Variants in ZBED6 observed in about 807,000 individuals in gnomAD.
ZBED6 encodes zinc finger BED domain-containing protein 6.
A neutral mutation model predicts 58.4 loss-of-function variants in ZBED6; 40 were observed. The observed-to-expected ratio is 0.68, with a 90% confidence interval of 0.53 to 0.89. The LOEUF (loss-of-function observed/expected upper bound fraction) is 0.89, where lower values mean the gene tolerates loss of function less well. ZBED6 is among the 40% of genes least tolerant of loss of function. The probability of loss-of-function intolerance (pLI) is 0.00; values close to 1 mark genes in which losing one functional copy is unlikely to be tolerated. For missense variants in ZBED6, 1,057 were observed against 1,003.9 expected (o/e 1.05, Z -0.71); for synonymous variants, 439 against 350.6 (o/e 1.25, Z -2.82).
exon 1 of ZBED6, chr1:203,800,032 C>T (rs1670061203): frequency 1.3e-6 from 2 of 1,536,114 alleles, no homozygotes; most frequent in Non-Finnish European, 1.7e-6. Context: ...AAAGAAGGCA[C>T]CTCCAGTTCA....
At chr1:203,818,780 T>A (rs1000116729) in intron 3 of ZBED6, 91 bp downstream of exon 3, 1 of 1,586,538 alleles carries the variant, frequency 6.3e-7, no homozygotes, top group Non-Finnish European at 8.6e-7. Flanking sequence ...TTTTAAAAAA[T>A]ATATTAAGGC....
chr1:203,809,681 C>T (rs1266505020), intron 1 of ZBED6, among the ~76,000 whole-genome samples: 5 of 150,404 alleles, frequency 3.3e-5, no homozygotes, highest in African/African-American at 4.9e-5. Context: ...TAACCGGGTG[C>T]GGTGGCTCAC....
chr1:203,798,011 A>G (rs548062567), exon 1 of ZBED6: 1 of 1,533,984 alleles, frequency 6.5e-7, no homozygotes, highest in East Asian at 2.4e-5. Flanking sequence ...GGGGTAAACC[A>G]GGTAGCCATC....
At chr1:203,826,478 A>G (rs1425066888) in intron 3 of ZBED6, among the ~76,000 whole-genome samples, 3 of 152,196 alleles carry the variant, frequency 2.0e-5, no homozygotes, top group Non-Finnish European at 2.9e-5. Flanking sequence ...GATTTTGCCA[A>G]ATCACCTTTC....
chr1:203,852,892 C>T (rs1689580392), exon 17 of ZBED6: 3 of 168,490 alleles, frequency 1.8e-5, no homozygotes, highest in African/African-American at 7.2e-5. Context: ...AATTGTATGT[C>T]TTTTTAAAGG....
At chr1:203,816,141 A>G (rs1676303887) in intron 1 of ZBED6, among the ~76,000 whole-genome samples, 1 of 152,238 alleles carries the variant, frequency 6.6e-6, no homozygotes, top group African/African-American at 2.4e-5. Context: ...TACTTTTGGA[A>G]TAAAAATGCT....
intron 3 of ZBED6, among the ~76,000 whole-genome samples, chr1:203,827,141 G>C (rs911196630): frequency 2.0e-5 from 3 of 152,050 alleles, no homozygotes; most frequent in African/African-American, 4.8e-5. Flanking sequence ...CTCATTACTA[G>C]ATGATATTCT....
rs59033094 is a variant in ZBED6 at position 203,838,954 on chromosome 1, CAAAAAAAAAAAA to C, written c.*3672+900_*3672+911del. 9.2e-5 allele frequency among the ~76,000 whole-genome samples: 9 copies of C among 97,934 alleles called. No individual in the cohort carries two copies. The East Asian group carries it at 2.2e-3, about 23-fold the overall frequency. The allele number at this position is 97,934 out of a possible 152,430, so 64.2% of individuals were successfully genotyped here. On this transcript the variant is annotated intron_variant, in intron 10 of 16. Coordinates refer to ENST00000550078, the Ensembl canonical transcript of ZBED6. ...TGGGTGACCGAGTGAGACTTCATCT[CAAAAAAAAAAAA>C]AAAAAAAAAGAAAGAAAGAAAGGTT...
At chr1:203,846,995 ACT>A (rs1392044442) in intron 11 of ZBED6, among the ~76,000 whole-genome samples, 187 bp from the exon 12 acceptor site, 1 of 150,802 alleles carries the variant, frequency 6.6e-6, no homozygotes, top group African/African-American at 2.4e-5. Flanking sequence ...ACAGAGTGAG[ACT>A]CTGTCTTAAA....
exon 1 of ZBED6, chr1:203,796,774 CTT>C: frequency 3.9e-6 from 1 of 258,022 alleles, no homozygotes; most frequent in Non-Finnish European, 7.3e-6. Flanking sequence ...TGAATTAACT[CTT>C]AATACAAACA....
intron 1 of ZBED6, among the ~76,000 whole-genome samples, chr1:203,812,037 G>A (rs1353310207): frequency 6.6e-6 from 1 of 151,902 alleles, no homozygotes; most frequent in Non-Finnish European, 1.5e-5. Context: ...GGCTGGTCTT[G>A]AACTACTGAC....
At chr1:203,797,606 G>T (rs1440477269) in exon 1 of ZBED6, 1 of 1,535,300 alleles carries the variant, frequency 6.5e-7, no homozygotes, top group African/African-American at 1.4e-5. Context: ...CTGGGATTCT[G>T]GGATGTGTTC....
chr1:203,815,311 T>A (rs1675990379), intron 1 of ZBED6, among the ~76,000 whole-genome samples: 1 of 144,468 alleles, frequency 6.9e-6, no homozygotes, highest in Non-Finnish European at 1.5e-5. Flanking sequence ...GCCTCCTGGG[T>A]TCAAGTGATT....
chr1:203,807,810 C>T (rs567588962), intron 1 of ZBED6, among the ~76,000 whole-genome samples: 4 of 152,122 alleles, frequency 2.6e-5, no homozygotes, highest in South Asian at 2.1e-4. Context: ...GGGGCAGTCA[C>T]GGCTCACTGC....
chr1:203,806,674 A>G (rs1672450850), intron 1 of ZBED6, among the ~76,000 whole-genome samples: 1 of 152,118 alleles, frequency 6.6e-6, no homozygotes, highest in South Asian at 2.1e-4. Context: ...AGACTGTTGA[A>G]TGGGTGTCCT....
At chr1:203,809,621 C>T (rs1341755054) in intron 1 of ZBED6, among the ~76,000 whole-genome samples, 1 of 152,000 alleles carries the variant, frequency 6.6e-6, no homozygotes, top group East Asian at 1.9e-4. Context: ...CATTATTTTT[C>T]TTGGCTTCAT....
In ZBED6 at chr1:203,847,628, C is replaced by T. The variant is rs777641508; in HGVS notation, c.*4186C>T. 24 of 1,613,296 alleles carry T rather than the reference C, an allele frequency of 1.5e-5. No homozygotes were observed. The highest frequency in any genetic ancestry group is 1.2e-4 in the South Asian group (11 of 91,072). On this transcript the variant is annotated 3_prime_UTR_variant, in exon 12 of 17. Coordinates refer to ENST00000550078, the Ensembl canonical transcript of ZBED6. ...AGCTCTGAGAGCAGCACCAGCTCCC[C>T]GTCTCAACACGAGGCCACTCCAGGG... is the stretch of plus-strand genomic sequence containing the variant.
chr1:203,806,042 GCT>G, intron 1 of ZBED6: 1 of 533,494 alleles, frequency 1.9e-6, no homozygotes, highest in Non-Finnish European at 3.6e-6. Context: ...TCCTGCTGCT[GCT>G]CATACATCCG....
chr1:203,803,590 G>C (rs975898993), intron 1 of ZBED6, among the ~76,000 whole-genome samples: 6 of 152,112 alleles, frequency 3.9e-5, no homozygotes, highest in African/African-American at 1.2e-4. Flanking sequence ...CATCTCCTTG[G>C]AGAAAAGCAC....
Sources: gnomAD v4.1 joint callset for allele counts (sites outside exome capture counted in the v4.1 genomes callset) on GRCh38, gnomAD v4.1.1 for gene constraint, MANE v1.5 for transcripts, NCBI Gene and HGNC (gene_info 2026-07-23, HGNC 2026-07-21) for gene names.